Variants in TRAPPC10 observed in about 807,000 individuals in gnomAD.
TRAPPC10 encodes trafficking protein particle complex subunit 10.
TRAPPC10 carries 23 observed loss-of-function variants against 125.5 expected under a neutral mutation model. The observed-to-expected ratio is 0.18, with a 90% CI of 0.13 to 0.26. The LOEUF (loss-of-function observed/expected upper bound fraction) is 0.26. TRAPPC10 is among the 10% of genes least tolerant of loss of function. TRAPPC10 has a pLI of 1.00. For missense variants in TRAPPC10, 1,123 were observed against 1,308.4 expected, an observed-to-expected ratio of 0.86 and a Z score of 2.19; for synonymous variants, 509 against 518.0, an observed-to-expected ratio of 0.98 and a Z score of 0.24.
At chr21:44,024,652 C>T (rs2032880009) in intron 1 of TRAPPC10, among the ~76,000 whole-genome samples, 1 of 152,110 alleles carries the variant, frequency 6.6e-6, no homozygotes, top group South Asian at 2.1e-4. Context: ...GAGATTATAC[C>T]ACTAAATGTA....
intron 1 of TRAPPC10, among the ~76,000 whole-genome samples, chr21:44,016,849 G>A (rs1039062355): frequency 3.3e-5 from 5 of 152,038 alleles, no homozygotes; most frequent in East Asian, 1.9e-4. Context: ...TAGTAGAGAC[G>A]GGGTTTCACC....
intron 5 of TRAPPC10, among the ~76,000 whole-genome samples, chr21:44,056,552 C>T (rs1042813443): frequency 6.6e-6 from 1 of 152,180 alleles, no homozygotes; most frequent in Non-Finnish European, 1.5e-5. Flanking sequence ...CTCATGAAAT[C>T]CTTGGTAAGA....
At chr21:44,049,432 A>G (rs574043536) in intron 3 of TRAPPC10, among the ~76,000 whole-genome samples, 10 of 152,216 alleles carry the variant, frequency 6.6e-5, no homozygotes, top group Admixed American at 4.6e-4. Flanking sequence ...GTGGATGCCC[A>G]TTCCCACACT....
intron 19 of TRAPPC10, 117 bp downstream of exon 19, chr21:44,092,166 T>C: frequency 7.5e-7 from 1 of 1,331,390 alleles, no homozygotes; most frequent in South Asian, 1.5e-5. Flanking sequence ...TGCTGATGAG[T>C]AAAGGCTCCT....
chr21:44,017,267 G>C (rs1480754742), intron 1 of TRAPPC10, among the ~76,000 whole-genome samples: 1 of 152,142 alleles, frequency 6.6e-6, no homozygotes, highest in Non-Finnish European at 1.5e-5. Context: ...ACCCGAGCAT[G>C]GTTACAAACC....
At chr21:44,076,399 A>G (rs900416558) in intron 9 of TRAPPC10, among the ~76,000 whole-genome samples, 153 bp from the exon 10 acceptor site, 3 of 152,258 alleles carry the variant, frequency 2.0e-5, no homozygotes, top group Non-Finnish European at 4.4e-5. Context: ...AAGAGAATGT[A>G]CATAATCATG....
chr21:44,034,700 G>A (rs530349663), intron 2 of TRAPPC10, among the ~76,000 whole-genome samples: 2 of 152,338 alleles, frequency 1.3e-5, no homozygotes, highest in East Asian at 3.9e-4. Context: ...ATATGGTTAA[G>A]ATAAGGACCT....
At chr21:44,021,807 C>T (rs144508339) in intron 1 of TRAPPC10, among the ~76,000 whole-genome samples, 2 of 152,102 alleles carry the variant, frequency 1.3e-5, no homozygotes, top group African/African-American at 2.4e-5. Flanking sequence ...CCCCTTGAAA[C>T]GAGGAAAGGC....
chr21:44,030,658 A>G (rs2033498102), intron 1 of TRAPPC10, among the ~76,000 whole-genome samples: 1 of 151,884 alleles, frequency 6.6e-6, no homozygotes, highest in Non-Finnish European at 1.5e-5. Flanking sequence ...AGTAGAGACA[A>G]GGTTTCTCCA....
intron 3 of TRAPPC10, among the ~76,000 whole-genome samples, chr21:44,038,929 G>A (rs542720923): frequency 1.3e-4 from 20 of 152,266 alleles, no homozygotes; most frequent in Admixed American, 7.8e-4. Flanking sequence ...AGCCTCTGCC[G>A]GAGACTCTGT....
chr21:44,059,329 CT>C lies in TRAPPC10; in HGVS notation c.790+118del. 1 of 714,522 alleles carries C rather than the reference CT, an allele frequency of 1.4e-6. No individual in the cohort carries two copies. Among genetic ancestry groups the C allele is most frequent in the Non-Finnish European group, 2.4e-6 (1 of 409,994 alleles). 44.3% of individuals were successfully genotyped at this position (714,522 alleles called of 1,614,324 possible). A position where few individuals can be genotyped will look rare whatever the true frequency, so the allele number is the denominator to read the frequency against. On this transcript the variant is annotated intron_variant, in intron 6 of 22. Transcript: ENST00000291574. The surrounding 1 kb of genome is among the most constrained non-coding windows in gnomAD (Gnocchi z 4.4). ...AGGAGTACGCATGTTTTGTTGTTGT[CT>C]TTATACACATTATATCGGATATATT...
At chr21:44,057,145 GA>G (rs2035657869) in intron 5 of TRAPPC10, among the ~76,000 whole-genome samples, 1 of 152,130 alleles carries the variant, frequency 6.6e-6, no homozygotes, top group Non-Finnish European at 1.5e-5. Flanking sequence ...ACAGAAGGTG[GA>G]ATGGGGGCTG....
intron 18 of TRAPPC10, among the ~76,000 whole-genome samples, chr21:44,090,928 C>T (rs2038532538): frequency 6.6e-6 from 1 of 152,096 alleles, no homozygotes; most frequent in Admixed American, 6.5e-5. Context: ...CGTGGTGGCT[C>T]ATGCCTGTAA....
At chr21:44,037,751 G>A (rs1190093645) in intron 2 of TRAPPC10, 41 bp from the exon 3 acceptor site, 2 of 1,598,260 alleles carry the variant, frequency 1.3e-6, no homozygotes, top group Admixed American at 1.7e-5. Flanking sequence ...GATGAATGCT[G>A]TTTAGTTGTT....
In TRAPPC10 at chr21:44,037,802, C is replaced by T. The variant is rs754793160; in HGVS notation, c.160C>T (p.Arg54Trp). 14 of 1,613,336 alleles carry T rather than the reference C, an allele frequency of 8.7e-6. No homozygotes were observed. Among genetic ancestry groups the T allele is most frequent in the East Asian group, 2.2e-5 (1 of 44,904 alleles). Residue 54 changes from arginine (R) to tryptophan (W), a missense_variant, in exon 3 of 23, where the codon CGG (arginine) becomes TGG (tryptophan). This residue lies in a region of TRAPPC10 where 177 missense variants were observed against 228.9 expected (regional missense o/e 0.77). Coordinates refer to ENST00000291574, the MANE Select transcript of TRAPPC10 (RefSeq NM_003274.5). ...EPMEWRRSYG[R>W]APKMIHLESN... is the part of the protein sequence containing the mutation. ...AACAATTGTTTACAGGTCCTATGGCCGGGCTCCGAAGATGATTCACCTAGA... is the reference window on the plus strand; with the variant it reads ...AACAATTGTTTACAGGTCCTATGGCTGGGCTCCGAAGATGATTCACCTAGA...
intron 18 of TRAPPC10, among the ~76,000 whole-genome samples, chr21:44,091,019 C>T (rs186177511): frequency 2.0e-5 from 3 of 151,826 alleles, no homozygotes; most frequent in African/African-American, 4.8e-5. Context: ...AGTGAAACCC[C>T]GTCTCTACTA....
chr21:44,030,954 G>T (rs922740351), intron 1 of TRAPPC10, among the ~76,000 whole-genome samples: 1 of 152,084 alleles, frequency 6.6e-6, no homozygotes, highest in African/African-American at 2.4e-5. Flanking sequence ...TCCTCTGGCC[G>T]AGCTCTTCTC....
intron 3 of TRAPPC10, among the ~76,000 whole-genome samples, chr21:44,051,995 A>T (rs952655530): frequency 2.0e-5 from 3 of 152,146 alleles, no homozygotes; most frequent in Non-Finnish European, 2.9e-5. Context: ...TGGGCAGCTC[A>T]CTCAACCCTC....
At chr21:44,057,579 C>G (rs928526312) in intron 5 of TRAPPC10, among the ~76,000 whole-genome samples, 1 of 152,096 alleles carries the variant, frequency 6.6e-6, no homozygotes, top group African/African-American at 2.4e-5. Flanking sequence ...GCCACTGCAC[C>G]CGGCCTGAGC....
Sources: gnomAD v4.1 joint callset for allele counts (sites outside exome capture counted in the v4.1 genomes callset) on GRCh38, gnomAD v4.1.1 for gene constraint, gnomAD v4.1.1 regional missense constraint, Gnocchi (gnomAD v3.1) non-coding constraint, MANE v1.5 for transcripts, NCBI Gene and HGNC (gene_info 2026-07-23, HGNC 2026-07-21) for gene names.